Variants in TENM2 observed in about 807,000 individuals in gnomAD.
TENM2 encodes teneurin transmembrane protein 2, also known as teneurin-2.
TENM2 carries 52 observed loss-of-function variants against 245.2 expected under a neutral mutation model. The ratio of observed to expected loss-of-function variants is 0.21; its 90% CI spans 0.17 to 0.27. TENM2 has a LOEUF of 0.27. TENM2 is among the 10% of genes least tolerant of loss of function. TENM2 has a pLI of 1.00. For missense variants in TENM2, 3,046 were observed against 3,666.8 expected, an observed-to-expected ratio of 0.83 and a Z score of 4.37; for synonymous variants, 1,363 against 1,438.9, an observed-to-expected ratio of 0.95 and a Z score of 1.19.
At chr5:167,734,499 T>A (rs1468086667) in intron 2 of TENM2, among the ~76,000 whole-genome samples, 1 of 148,428 alleles carries the variant, frequency 6.7e-6, no homozygotes, top group South Asian at 2.1e-4. Flanking sequence ...ATATTATATA[T>A]AAATAATATA....
At chr5:168,211,933 C>T (rs1762829983) in intron 20 of TENM2, among the ~76,000 whole-genome samples, 179 bp downstream of exon 22, 1 of 152,088 alleles carries the variant, frequency 6.6e-6, no homozygotes, top group Non-Finnish European at 1.5e-5. Context: ...TTATGAAATG[C>T]AGTCAAAAAG....
intron 3 of TENM2, among the ~76,000 whole-genome samples, chr5:167,937,094 T>C (rs1778781174): frequency 6.6e-6 from 1 of 152,246 alleles, no homozygotes; most frequent in Non-Finnish European, 1.5e-5. Context: ...ACTTAACATA[T>C]TCATTACCTC....
intron 6 of TENM2, among the ~76,000 whole-genome samples, chr5:168,049,547 A>G (rs1224475077): frequency 6.6e-6 from 1 of 152,232 alleles, no homozygotes; most frequent in South Asian, 2.1e-4. Context: ...CCCATTTGTG[A>G]TAAGCCTCTA....
chr5:167,526,834 A>G (rs1262619803), intron 2 of TENM2, among the ~76,000 whole-genome samples: 1 of 152,116 alleles, frequency 6.6e-6, no homozygotes, highest in African/African-American at 2.4e-5. Context: ...TGTCTGTGGA[A>G]ACCTGCTCCT....
chr5:167,897,519 A>G (rs919109404), intron 3 of TENM2, among the ~76,000 whole-genome samples: 4 of 152,208 alleles, frequency 2.6e-5, no homozygotes, highest in Non-Finnish European at 5.9e-5. Flanking sequence ...CTTTCTTGCT[A>G]TACACCCTGG....
intron 5 of TENM2, among the ~76,000 whole-genome samples, chr5:168,045,473 G>A (rs1009782234): frequency 1.3e-5 from 2 of 152,194 alleles, no homozygotes; most frequent in Non-Finnish European, 2.9e-5. Flanking sequence ...GCAAGATTGA[G>A]TGCTATAAGA....
chr5:167,716,158 C>T (rs147688988), intron 2 of TENM2, among the ~76,000 whole-genome samples: 21 of 152,252 alleles, frequency 1.4e-4, no homozygotes, highest in African/African-American at 5.1e-4. Flanking sequence ...AGAAAAGTGA[C>T]GAGGTCCTTT....
At chr5:168,195,380 G>A in intron 15 of TENM2, 85 bp downstream of exon 17, 1 of 1,487,654 alleles carries the variant, frequency 6.7e-7, no homozygotes, top group Non-Finnish European at 9.1e-7. Flanking sequence ...TGGAACCACA[G>A]GATTCCCCCT....
chr5:167,290,359 GTTTA>G (rs1754561194), intron 1 of TENM2, among the ~76,000 whole-genome samples: 1 of 152,034 alleles, frequency 6.6e-6, no homozygotes, highest in Non-Finnish European at 1.5e-5. Flanking sequence ...TAGGTATTGG[GTTTA>G]TTTCTTACAA....
the TENM2 span, among the ~76,000 whole-genome samples, chr5:167,187,004 C>G: frequency 6.8e-4 from 103 of 152,286 alleles, 1 homozygote; most frequent in African/African-American, 2.4e-3. Flanking sequence ...ACTAACTTCT[C>G]CTCTCCACCC....
the TENM2 span, among the ~76,000 whole-genome samples, chr5:167,151,087 A>AT: frequency 6.6e-6 from 1 of 152,164 alleles, no homozygotes; most frequent in African/African-American, 2.4e-5. Flanking sequence ...CATGTATTTT[A>AT]TTAAACCTCT....
chr5:168,155,829 C>T (rs1376571679), intron 12 of TENM2, among the ~76,000 whole-genome samples: 1 of 139,696 alleles, frequency 7.2e-6, no homozygotes, highest in Non-Finnish European at 1.5e-5. Flanking sequence ...TGAGCACTTA[C>T]AATGTGCCAA....
intron 2 of TENM2, among the ~76,000 whole-genome samples, chr5:167,785,457 C>A (rs1008482250): frequency 5.3e-5 from 8 of 152,108 alleles, no homozygotes; most frequent in Non-Finnish European, 7.4e-5. Flanking sequence ...AGCTAACACA[C>A]AATTGATTTC....
At chr5:167,949,395 C>T (rs1779898674) in intron 3 of TENM2, among the ~76,000 whole-genome samples, 1 of 152,138 alleles carries the variant, frequency 6.6e-6, no homozygotes, top group South Asian at 2.1e-4. Context: ...TCTGTGACAT[C>T]TGCCCTAGAT....
intron 2 of TENM2, among the ~76,000 whole-genome samples, chr5:167,744,134 T>G (rs996114072): frequency 2.6e-5 from 4 of 152,194 alleles, no homozygotes; most frequent in Non-Finnish European, 5.9e-5. Flanking sequence ...ATCATCATGC[T>G]AACAACAAAT....
At chr5:167,290,671 T>A (rs188131651) in intron 1 of TENM2, among the ~76,000 whole-genome samples, 49 of 152,240 alleles carry the variant, frequency 3.2e-4, no homozygotes, top group African/African-American at 9.9e-4. Flanking sequence ...CATACATTAT[T>A]TTCCTATTTT....
chr5:167,881,177 C>T (rs1481966556), intron 3 of TENM2, among the ~76,000 whole-genome samples: 1 of 152,188 alleles, frequency 6.6e-6, no homozygotes, highest in Non-Finnish European at 1.5e-5. Flanking sequence ...TTTCTTGCCT[C>T]CCTAAGCAGA....
Position 167,803,923 on chromosome 5 carries a change from T to C in TENM2, c.503-72063T>C, listed in dbSNP as rs759343718. Among the ~76,000 whole-genome samples, 67 of 152,108 alleles carry C rather than the reference T, an allele frequency of 4.4e-4. 1 individual carries two copies. Among genetic ancestry groups the C allele is most frequent in the Non-Finnish European group, 7.2e-4 (49 of 68,010 alleles). ...TTAACATACAAAACCCCATTTAAAA[T>C]TGGCTGATATTGGTTGAGCATCCTG... On this transcript the variant is annotated intron_variant, in intron 2 of 28. Coordinates refer to ENST00000518659, the Ensembl canonical transcript of TENM2.
At chr5:167,134,491 C>T in the TENM2 span, among the ~76,000 whole-genome samples, 2 of 152,150 alleles carry the variant, frequency 1.3e-5, no homozygotes, top group South Asian at 4.1e-4. Context: ...ACAACATACA[C>T]TCGTTACATT....
Sources: allele counts gnomAD v4.1 joint callset (sites outside exome capture counted in the v4.1 genomes callset), GRCh38; gene constraint gnomAD v4.1.1; transcripts MANE v1.5; gene names NCBI Gene and HGNC (gene_info 2026-07-23, HGNC 2026-07-21).